Variants in PTPRD observed in about 807,000 individuals in gnomAD.
The protein encoded by PTPRD is receptor-type tyrosine-protein phosphatase delta.
In PTPRD, 34 loss-of-function variants were observed where a neutral mutation model predicts 214.5. The ratio of observed to expected loss-of-function variants is 0.16; its 90% CI spans 0.12 to 0.21. The LOEUF is 0.21. Ranked by LOEUF, PTPRD falls within the 10% of genes least tolerant of loss-of-function variation. The probability of loss-of-function intolerance (pLI) is 1.00; values close to 1 mark genes in which losing one functional copy is unlikely to be tolerated. For synonymous variants in PTPRD, 1,128 were observed against 845.7 expected (o/e 1.33, Z -5.79); for missense variants, 2,545 against 2,398.7 (o/e 1.06, Z -1.27).
intron 7 of PTPRD, among the ~76,000 whole-genome samples, chr9:9,657,767 G>C (rs964998914): frequency 6.6e-6 from 1 of 152,134 alleles, no homozygotes; most frequent in African/African-American, 2.4e-5. Flanking sequence ...CTTGCCACAT[G>C]GGGGCAAACC....
At chr9:8,638,882 C>T (rs991155828) in intron 12 of PTPRD, among the ~76,000 whole-genome samples, 5 of 151,594 alleles carry the variant, frequency 3.3e-5, no homozygotes, top group Non-Finnish European at 5.9e-5. Flanking sequence ...CTCACTCTGT[C>T]GCCAGGGTGG....
chr9:9,907,223 A>T (rs75001089), intron 5 of PTPRD, among the ~76,000 whole-genome samples: 1 of 151,934 alleles, frequency 6.6e-6, no homozygotes, highest in Non-Finnish European at 1.5e-5. Context: ...TGTCATATAC[A>T]TGATGATTAT....
At chr9:9,237,166 C>T (rs370917819) in intron 9 of PTPRD, among the ~76,000 whole-genome samples, 1 of 152,118 alleles carries the variant, frequency 6.6e-6, no homozygotes, top group South Asian at 2.1e-4. Context: ...TAGTTGGAAA[C>T]CTGATTCCTG....
At chr9:9,929,744 G>T (rs1445052949) in intron 5 of PTPRD, among the ~76,000 whole-genome samples, 1 of 152,154 alleles carries the variant, frequency 6.6e-6, no homozygotes, top group African/African-American at 2.4e-5. Flanking sequence ...GGATAAGGTT[G>T]ATTTAATAAT....
intron 9 of PTPRD, among the ~76,000 whole-genome samples, chr9:9,396,208 A>G (rs778537571): frequency 1.1e-4 from 16 of 151,984 alleles, no homozygotes; most frequent in Non-Finnish European, 2.2e-4. Flanking sequence ...ACCAAATCAA[A>G]CGTTTGAAAA....
chr9:8,782,652 C>G (rs1487676722), intron 11 of PTPRD, among the ~76,000 whole-genome samples: 2 of 145,588 alleles, frequency 1.4e-5, no homozygotes, highest in African/African-American at 5.1e-5. Flanking sequence ...GGCTGAAGTG[C>G]AGTGGCACAA....
At chr9:8,352,912 A>T (rs2075908686) in intron 39 of PTPRD, among the ~76,000 whole-genome samples, 2 of 152,118 alleles carry the variant, frequency 1.3e-5, no homozygotes, top group Admixed American at 1.3e-4. Flanking sequence ...AGAGATTGAG[A>T]CCATCCTGGC....
chr9:9,968,642 G>C (rs1161073255), intron 4 of PTPRD, among the ~76,000 whole-genome samples: 4 of 152,068 alleles, frequency 2.6e-5, no homozygotes, highest in Admixed American at 2.0e-4. Flanking sequence ...TCCTGATCAA[G>C]TTGTCAGTTC....
intron 5 of PTPRD, among the ~76,000 whole-genome samples, chr9:9,841,605 C>A (rs1246430151): frequency 1.6e-4 from 25 of 152,112 alleles, no homozygotes; most frequent in Admixed American, 1.6e-3. Context: ...GCATTTGTTT[C>A]ATTTCCTTTG....
At chr9:9,567,701 A>G (rs755418359) in intron 8 of PTPRD, among the ~76,000 whole-genome samples, 7 of 151,974 alleles carry the variant, frequency 4.6e-5, no homozygotes, top group Non-Finnish European at 7.4e-5. Context: ...TCTTAAGGGA[A>G]CTTGAATTTT....
chr9:8,998,508 G>T (rs1117824), intron 11 of PTPRD, among the ~76,000 whole-genome samples: 150,830 of 152,130 alleles, frequency 0.99, 74,783 homozygotes, highest in Middle Eastern at 1. Flanking sequence ...AAAAATTTCT[G>T]TAAAAACATT....
Position 8,633,355 on chromosome 9 carries a change from C to A in PTPRD, c.314G>T (p.Gly105Val), listed in dbSNP as rs2096313741. 6.2e-7 allele frequency: 1 copy of A among 1,612,738 alleles called. No homozygotes were observed. The highest frequency in any genetic ancestry group is 1.3e-5 in the African/African-American group (1 of 74,940). Residue 105 changes from glycine to valine, a missense_variant, in exon 14 of 46, where the codon GGA becomes GTA. By Grantham distance (109) the Gly-to-Val change is moderately radical. Transcript: ENST00000381196. ...IYECVASNNV[G>V]EISVSTRLTV... Reference sequence around the variant, plus strand: ...GAGTCTGGTGGATACACTTATTTCTCCCACATTATTTGAGGCCACACATTC... The same window carrying A: ...GAGTCTGGTGGATACACTTATTTCTACCACATTATTTGAGGCCACACATTC...
chr9:8,504,367 C>T lies in PTPRD; in HGVS notation c.1716G>A (p.Leu572=), dbSNP rs922235179. ...ATAAGCTGTTTGGTTTCAGTCCTTG[C>T]AGCCTATATGATGTCCCTGGCTCAA... ...ITIEPGTSYR[L]QGLKPNSLYY... Residue 572 remains leucine, a synonymous_variant, in exon 23 of 46, where the codon CTG becomes CTA. Transcript: ENST00000381196. 7 of 1,614,024 alleles carry T rather than the reference C, an allele frequency of 4.3e-6. No individual in the cohort carries two copies. The African/African-American group carries it at 5.3e-5, about 12-fold the overall frequency.
intron 12 of PTPRD, among the ~76,000 whole-genome samples, chr9:8,690,626 G>A (rs1008868363): frequency 1.3e-5 from 2 of 151,940 alleles, no homozygotes; most frequent in Non-Finnish European, 2.9e-5. Flanking sequence ...TCATAAAATG[G>A]AGCAAAATGC....
chr9:9,213,823 T>C (rs1162002286), intron 9 of PTPRD, among the ~76,000 whole-genome samples: 2 of 152,096 alleles, frequency 1.3e-5, no homozygotes, highest in Non-Finnish European at 2.9e-5. Context: ...CTATCATCTC[T>C]CTCTCTCTGA....
At chr9:9,095,459 AT>A (rs2099782115) in intron 10 of PTPRD, among the ~76,000 whole-genome samples, 1 of 152,190 alleles carries the variant, frequency 6.6e-6, no homozygotes, top group Non-Finnish European at 1.5e-5. Flanking sequence ...TTTTCTCCAG[AT>A]TGAGCTGTGG....
Position 10,476,435 on chromosome 9 carries a change from A to G in PTPRD, c.-599-135418T>C, listed in dbSNP as rs368062309. ...CCTAGAAATACAACTTACAAGGGAC[A>G]TGAAGGACCTCTTCAAGGAGAACTA... is the stretch of plus-strand genomic sequence containing the variant. On this transcript the variant is annotated intron_variant, in intron 2 of 45. Coordinates refer to ENST00000381196, the MANE Select transcript of PTPRD (RefSeq NM_002839.4). 3.7e-3 allele frequency among the ~76,000 whole-genome samples: 570 copies of G among 152,188 alleles called. 5 individuals are homozygous for G. The highest frequency in any genetic ancestry group is 0.013 in the African/African-American group (541 of 41,552).
At chr9:8,833,700 C>A (rs867935167) in intron 11 of PTPRD, among the ~76,000 whole-genome samples, 58 of 139,066 alleles carry the variant, frequency 4.2e-4, no homozygotes, top group East Asian at 1.7e-3. Flanking sequence ...CTCTCTCTCT[C>A]TATATATATA....
intron 9 of PTPRD, among the ~76,000 whole-genome samples, chr9:9,247,536 T>C (rs768579076): frequency 3.1e-4 from 47 of 152,060 alleles, no homozygotes; most frequent in Non-Finnish European, 5.1e-4. Flanking sequence ...TATCACACAC[T>C]TTCTGCCTCT....
Sources: gnomAD v4.1 joint callset for allele counts (sites outside exome capture counted in the v4.1 genomes callset) on GRCh38, gnomAD v4.1.1 for gene constraint, MANE v1.5 for transcripts, NCBI Gene and HGNC (gene_info 2026-07-23, HGNC 2026-07-21) for gene names.